Variants in DNAH5 observed in about 807,000 individuals in gnomAD.
DNAH5 encodes dynein axonemal heavy chain 5, also known as axonemal beta dynein heavy chain 5.
DNAH5 carries 372 observed loss-of-function variants against 518.2 expected under a neutral mutation model. That is an observed-to-expected ratio of 0.72 (90% CI 0.66 to 0.78). The LOEUF (loss-of-function observed/expected upper bound fraction) is 0.78, where lower values mean the gene tolerates loss of function less well. DNAH5 is among the 30% of genes least tolerant of loss of function. The probability of loss-of-function intolerance (pLI) is 0.00; values close to 1 mark genes in which losing one functional copy is unlikely to be tolerated. For synonymous variants in DNAH5, 2,039 were observed against 2,025.9 expected, an observed-to-expected ratio of 1.01 and a Z score of -0.17; for missense variants, 5,523 against 5,687.0, an observed-to-expected ratio of 0.97 and a Z score of 0.93.
At chr5:13,946,451 A>C (rs1182226764), upstream of DNAH5, among the ~76,000 whole-genome samples, 1 of 152,182 alleles carries the variant, frequency 6.6e-6, no homozygotes, top group African/African-American at 2.4e-5. Context: ...TGAACAACAC[A>C]AACAAAGCAA....
At chr5:13,745,336 T>C (rs1749184487) in intron 65 of DNAH5, among the ~76,000 whole-genome samples, 1 of 152,068 alleles carries the variant, frequency 6.6e-6, no homozygotes, top group Admixed American at 6.6e-5. Flanking sequence ...GTGCATCAGA[T>C]AAACAATTGG....
At chr5:13,825,012 T>C (rs1234265357) in intron 38 of DNAH5, among the ~76,000 whole-genome samples, 2 of 152,044 alleles carry the variant, frequency 1.3e-5, no homozygotes, top group East Asian at 1.9e-4. Flanking sequence ...AACGATATGA[T>C]CCAGCACTCC....
At chr5:13,813,525 C>T (rs1761009270) in intron 43 of DNAH5, among the ~76,000 whole-genome samples, 2 of 149,730 alleles carry the variant, frequency 1.3e-5, no homozygotes, top group African/African-American at 4.9e-5. Flanking sequence ...TGAAGTGTAA[C>T]CCAATCATCT....
At chr5:13,882,651 G>A (rs1771831492) in intron 21 of DNAH5, 77 bp downstream of exon 21, 1 of 1,100,220 alleles carries the variant, frequency 9.1e-7, no homozygotes. Flanking sequence ...AGAATTACAT[G>A]GAGGGGTTAA....
Position 13,871,635 on chromosome 5 carries a change from A to G in DNAH5, c.3527T>C (p.Phe1176Ser), listed in dbSNP as rs1278768394. ...LSEFESQILY[F>S]QNLEQEINAE... Reference sequence around the variant, plus strand: ...ATTAATTTCCTGCTCTAGGTTTTGGAAATAGAGAATCTGGGACTCAAATTC... The same window carrying G: ...ATTAATTTCCTGCTCTAGGTTTTGGGAATAGAGAATCTGGGACTCAAATTC... Residue 1176 changes from phenylalanine (F) to serine (S), a missense_variant, in exon 23 of 79, where the codon TTC becomes TCC. This residue lies in a region of DNAH5 where 5,121 missense variants were observed against 5,223.3 expected (regional missense o/e 0.98). Coordinates refer to ENST00000265104, the MANE Select transcript of DNAH5 (RefSeq NM_001369.3). The G allele has an allele frequency of 1.2e-6, 2 of 1,613,852 alleles. No homozygotes were observed. The highest frequency in any genetic ancestry group is 2.2e-5 in the South Asian group (2 of 91,082).
intron 43 of DNAH5, among the ~76,000 whole-genome samples, chr5:13,813,306 C>T (rs529694786): frequency 3.3e-5 from 5 of 152,012 alleles, no homozygotes; most frequent in Non-Finnish European, 7.3e-5. Context: ...GCTAGTACTC[C>T]TTAGCTAGTT....
chr5:13,783,070 C>T (rs1026944134), intron 52 of DNAH5, among the ~76,000 whole-genome samples: 3 of 152,140 alleles, frequency 2.0e-5, no homozygotes, highest in African/African-American at 4.8e-5. Context: ...GAAACATCCC[C>T]GCCTGGGTGA....
At chr5:13,864,943 T>G (rs1179631793) in intron 27 of DNAH5, among the ~76,000 whole-genome samples, 21 of 152,018 alleles carry the variant, frequency 1.4e-4, no homozygotes, top group Non-Finnish European at 8.8e-5. Flanking sequence ...TACTGAGAAC[T>G]TACTAAGCAC....
rs574906910 is a variant in DNAH5 at position 13,720,158 on chromosome 5, T to C, written c.12279+842A>G. ...ACTAGATCTAAAGTCTTAGCAGAGT[T>C]ACACGTAAAACTGATAATTTAGAGA... On this transcript the variant is annotated intron_variant, in intron 71 of 78. Transcript: ENST00000265104. Among the ~76,000 whole-genome samples, 8 of 151,502 alleles carry C rather than the reference T, an allele frequency of 5.3e-5. No individual in the cohort carries two copies. In the South Asian group the frequency reaches 1.7e-3, roughly 32 times the overall value.
intron 47 of DNAH5, among the ~76,000 whole-genome samples, chr5:13,800,406 A>T (rs1353352626): frequency 6.6e-6 from 1 of 152,192 alleles, no homozygotes; most frequent in Non-Finnish European, 1.5e-5. Context: ...TACTCAGCAC[A>T]AAGTCTGCAC....
chr5:13,818,369 C>A (rs374627403), intron 41 of DNAH5, among the ~76,000 whole-genome samples: 1 of 152,124 alleles, frequency 6.6e-6, no homozygotes, highest in Non-Finnish European at 1.5e-5. Flanking sequence ...GGGGCCAAGG[C>A]GGGCAGATCA....
intron 38 of DNAH5, among the ~76,000 whole-genome samples, chr5:13,828,345 C>T (rs1396367070): frequency 2.0e-5 from 3 of 152,190 alleles, no homozygotes; most frequent in Non-Finnish European, 4.4e-5. Context: ...AAGTGTTATT[C>T]ATGTTATAGT....
intron 50 of DNAH5, among the ~76,000 whole-genome samples, chr5:13,791,372 A>C (rs1756960540): frequency 6.6e-6 from 1 of 152,182 alleles, no homozygotes. Flanking sequence ...TTCACATAGC[A>C]TTCTTAGTTT....
In DNAH5 at chr5:13,867,935, T is replaced by C. The variant is rs774680760; in HGVS notation, c.3892A>G (p.Lys1298Glu). ...GLLIAREEID[K>E]VDTLHYAWEK... ...CAAGCATAGTGCAGTGTATCAACTT[T>C]GTCTATCTCTTCCCTTGCTATCAGA... is the stretch of plus-strand genomic sequence containing the variant. Residue 1298 changes from lysine to glutamate, a missense_variant, in exon 25 of 79, where the codon AAA becomes GAA. By Grantham distance (56) the Lys-to-Glu change is moderately conservative. Coordinates refer to ENST00000265104, the MANE Select transcript of DNAH5 (RefSeq NM_001369.3). 4.3e-6 allele frequency: 7 copies of C among 1,614,116 alleles called. No individual in the cohort carries two copies. In the East Asian group the frequency reaches 1.1e-4, roughly 26 times the overall value.
intron 47 of DNAH5, among the ~76,000 whole-genome samples, chr5:13,801,057 T>C (rs182666357): frequency 2.3e-3 from 349 of 152,270 alleles, no homozygotes; most frequent in African/African-American, 8.1e-3. Context: ...TTTCTCACTG[T>C]CTCCTATGCC....
At chr5:13,852,559 C>T (rs971369489) in intron 30 of DNAH5, among the ~76,000 whole-genome samples, 6 of 152,138 alleles carry the variant, frequency 3.9e-5, no homozygotes, top group African/African-American at 1.4e-4. Context: ...AGCCAGGTAG[C>T]CAGGTGGTCT....
At chr5:13,774,085 C>A (rs1335331234) in intron 55 of DNAH5, among the ~76,000 whole-genome samples, 1 of 152,106 alleles carries the variant, frequency 6.6e-6, no homozygotes, top group Non-Finnish European at 1.5e-5. Flanking sequence ...AGGTTTTAAG[C>A]AGAAATAAAT....
At chr5:13,696,730 A>T (rs1472728418) in intron 78 of DNAH5, among the ~76,000 whole-genome samples, 1 of 152,230 alleles carries the variant, frequency 6.6e-6, no homozygotes, top group Non-Finnish European at 1.5e-5. Context: ...ACAGAATGTT[A>T]GTTTTCCATC....
chr5:13,704,083 C>T (rs1312011310), intron 76 of DNAH5, among the ~76,000 whole-genome samples: 1 of 152,140 alleles, frequency 6.6e-6, no homozygotes, highest in Admixed American at 6.5e-5. Flanking sequence ...AAGGATGCAC[C>T]CAGCTGGTGA....
Sources: allele counts gnomAD v4.1 joint callset (sites outside exome capture counted in the v4.1 genomes callset), GRCh38; gene constraint gnomAD v4.1.1; regional missense constraint gnomAD v4.1.1; transcripts MANE v1.5; gene names NCBI Gene and HGNC (gene_info 2026-07-23, HGNC 2026-07-21).